Variants in PARVA observed in about 807,000 individuals in gnomAD.
The protein encoded by PARVA is alpha-parvin.
PARVA carries 25 observed loss-of-function variants against 52.6 expected under a neutral mutation model. That is an observed-to-expected ratio of 0.48 (90% CI 0.35 to 0.66). The LOEUF (loss-of-function observed/expected upper bound fraction) is 0.66, where lower values mean the gene tolerates loss of function less well. Ranked by LOEUF, PARVA falls within the 30% of genes least tolerant of loss-of-function variation. The pLI, the probability that PARVA is intolerant of heterozygous loss-of-function variation, is 0.01. For synonymous variants in PARVA, 185 were observed against 179.1 expected (o/e 1.03, Z -0.26); for missense variants, 373 against 450.9 (o/e 0.83, Z 1.56).
Position 12,394,061 on chromosome 11 carries a change from A to G in PARVA, c.136+16278A>G, listed in dbSNP as rs973577583. Among the ~76,000 whole-genome samples, 8 of 152,314 alleles carry G rather than the reference A, an allele frequency of 5.3e-5. No individual in the cohort carries two copies. In the South Asian group the frequency reaches 1.4e-3, roughly 28 times the overall value. On this transcript the variant is annotated intron_variant, in intron 1 of 12. Coordinates refer to ENST00000334956, the MANE Select transcript of PARVA (RefSeq NM_018222.5). ...CCCTATGCCAGGCACTGTTCTAAGCATTTCACACTTACTATTTTATTGAAT... is the reference window on the plus strand; with the variant it reads ...CCCTATGCCAGGCACTGTTCTAAGCGTTTCACACTTACTATTTTATTGAAT...
At chr11:12,381,422 C>G (rs974499935) in intron 1 of PARVA, among the ~76,000 whole-genome samples, 1 of 152,146 alleles carries the variant, frequency 6.6e-6, no homozygotes, top group African/African-American at 2.4e-5. Flanking sequence ...TAGCATTCTC[C>G]GAGGCCCAAG....
intron 1 of PARVA, among the ~76,000 whole-genome samples, chr11:12,408,852 G>A (rs936443323): frequency 7.2e-5 from 11 of 152,212 alleles, no homozygotes; most frequent in African/African-American, 2.7e-4. Context: ...GGCTAAGGAA[G>A]GCCTCCCTGA....
At chr11:12,394,348 A>G (rs983064506) in intron 1 of PARVA, among the ~76,000 whole-genome samples, 6 of 152,202 alleles carry the variant, frequency 3.9e-5, no homozygotes, top group Admixed American at 2.0e-4. Flanking sequence ...AAACAAATCA[A>G]CTTCTACAAG....
chr11:12,470,923 G>A (rs1406431729), intron 1 of PARVA, among the ~76,000 whole-genome samples: 1 of 152,214 alleles, frequency 6.6e-6, no homozygotes, highest in Non-Finnish European at 1.5e-5. Flanking sequence ...GGTTCTGATA[G>A]GCCAGGCAAA....
upstream of PARVA, chr11:12,376,605 G>A (rs1939392267): frequency 4.1e-6 from 1 of 241,662 alleles, no homozygotes; most frequent in Non-Finnish European, 6.7e-6. Flanking sequence ...TGGATTAGGT[G>A]TTCACCCAGG....
chr11:12,474,832 G>A (rs1296476981), intron 3 of PARVA, among the ~76,000 whole-genome samples: 1 of 151,978 alleles, frequency 6.6e-6, no homozygotes, highest in Admixed American at 6.6e-5. Context: ...CAAGTGTGGT[G>A]GCGCATGACT....
In PARVA at chr11:12,378,244, G is replaced by A. The variant is rs117376225; in HGVS notation, c.136+461G>A. Among the ~76,000 whole-genome samples, 346 of 152,326 alleles carry A rather than the reference G, an allele frequency of 2.3e-3. 1 individual carries two copies. The highest frequency in any genetic ancestry group is 3.9e-3 in the Non-Finnish European group (267 of 68,020). On this transcript the variant is annotated intron_variant, in intron 1 of 12. Transcript: ENST00000334956. ...TCGCTCTTACTCGTTGCCTTCATTG[G>A]TCCTTAAAATCAGGTCGTTTCCTGG...
intron 5 of PARVA, among the ~76,000 whole-genome samples, chr11:12,498,741 A>G (rs1405590938): frequency 6.6e-6 from 1 of 151,270 alleles, no homozygotes; most frequent in Non-Finnish European, 1.5e-5. Context: ...CGCCCACCTA[A>G]CTTTCGTATT....
At chr11:12,377,261 T>G, upstream of PARVA, 1 of 438,716 alleles carries the variant, frequency 2.3e-6, no homozygotes, top group Non-Finnish European at 3.8e-6. Context: ...AGGGTTGGGT[T>G]GGTTCTCAGA....
Position 12,473,841 on chromosome 11 carries a change from G to GA in PARVA, c.226+7_226+8insA. ...CCCGAGGACACGATGCTGGGTAACT[G>GA]TGCTCTTGTCTCTGAATTCGCTTAA... On this transcript the variant is annotated splice_region_variant and intron_variant, in intron 2 of 12. Transcript: ENST00000334956. 6.4e-7 allele frequency: 1 copy of GA among 1,567,110 alleles called. No homozygotes were observed. Among genetic ancestry groups the GA allele is most frequent in the Non-Finnish European group, 8.7e-7 (1 of 1,154,980 alleles).
chr11:12,532,555 T>C lies in PARVA; in HGVS notation c.*4630T>C, dbSNP rs1941785478. ...CCAAGGGTGAGTGAGAGATTATAGC[T>C]AGCAGGGGAGACAGATGAAAAATAA... On this transcript the variant is annotated 3_prime_UTR_variant, in exon 13 of 13. Transcript: ENST00000334956. Among the ~76,000 whole-genome samples the C allele has an allele frequency of 6.6e-6, 1 of 152,188 alleles. No individual in the cohort carries two copies. The highest frequency in any genetic ancestry group is 2.1e-4 in the South Asian group (1 of 4,826).
At chr11:12,426,809 G>A (rs1368088468) in intron 1 of PARVA, among the ~76,000 whole-genome samples, 2 of 152,208 alleles carry the variant, frequency 1.3e-5, no homozygotes, top group African/African-American at 4.8e-5. Context: ...AATTGGTCAA[G>A]TATAGGAGCA....
Position 12,497,850 on chromosome 11 carries a change from G to A in PARVA, c.541+1252G>A, listed in dbSNP as rs145244829. 1.4e-3 allele frequency among the ~76,000 whole-genome samples: 209 copies of A among 152,208 alleles called. 1 individual carries two copies. The highest frequency in any genetic ancestry group is 4.8e-3 in the African/African-American group (201 of 41,532). On this transcript the variant is annotated intron_variant, in intron 5 of 12. Transcript: ENST00000334956. Reference sequence around the variant, plus strand: ...ATCTGCATTTTAAAAATCCACAATAGTCATAAACATTAGAGAAGTCCTCTA... The same window carrying A: ...ATCTGCATTTTAAAAATCCACAATAATCATAAACATTAGAGAAGTCCTCTA...
intron 1 of PARVA, among the ~76,000 whole-genome samples, chr11:12,421,447 C>A (rs1002781676): frequency 6.6e-6 from 1 of 152,128 alleles, no homozygotes; most frequent in Non-Finnish European, 1.5e-5. Context: ...AGAAAAATCC[C>A]AGCAACAGAT....
intron 3 of PARVA, among the ~76,000 whole-genome samples, chr11:12,476,158 G>C (rs183923087): frequency 6.6e-6 from 1 of 152,100 alleles, no homozygotes; most frequent in Non-Finnish European, 1.5e-5. Context: ...ACCTAGACCT[G>C]CACTCGGGCC....
intron 10 of PARVA, among the ~76,000 whole-genome samples, chr11:12,516,206 C>T (rs774527813): frequency 1.3e-5 from 2 of 152,198 alleles, no homozygotes; most frequent in Admixed American, 6.5e-5. Flanking sequence ...AGCCGCAGGC[C>T]GGCTAGCTGG....
rs977583084 is a variant in PARVA, at chr11:12,528,899, C to T, written c.*974C>T. ...AGAATTAATGGAGTGGCACATTTTGCAGCCTTTTTGCTTGATTGCATGTAA... is the reference window on the plus strand; with the variant it reads ...AGAATTAATGGAGTGGCACATTTTGTAGCCTTTTTGCTTGATTGCATGTAA... On this transcript the variant is annotated 3_prime_UTR_variant, in exon 13 of 13. Transcript: ENST00000334956. 1 of 152,626 alleles carries T rather than the reference C, an allele frequency of 6.6e-6. No homozygotes were observed. Among genetic ancestry groups the T allele is most frequent in the East Asian group, 1.9e-4 (1 of 5,196 alleles). 9.5% of individuals were successfully genotyped at this position (152,626 alleles called of 1,614,324 possible). A position where few individuals can be genotyped will look rare whatever the true frequency, so the allele number is the denominator to read the frequency against.
At position 12,377,791 on chromosome 11, in the gene PARVA, C is replaced by A. The variant is rs773407326; in HGVS notation, c.136+8C>A. On this transcript the variant is annotated splice_region_variant and intron_variant, in intron 1 of 12. Transcript: ENST00000334956. ...GGAAGAAAGCCAAGGAGGGTGAGTGCGGCCAGGCCGGCCGGGCGGGCGGTA... is the reference window on the plus strand; with the variant it reads ...GGAAGAAAGCCAAGGAGGGTGAGTGAGGCCAGGCCGGCCGGGCGGGCGGTA... 1.1e-5 allele frequency: 16 copies of A among 1,480,604 alleles called. No individual in the cohort carries two copies. The highest frequency in any genetic ancestry group is 6.1e-5 in the East Asian group (2 of 32,710). The allele number at this position is 1,480,604 out of a possible 1,614,324, so 91.7% of individuals were successfully genotyped here. A position where few individuals can be genotyped will look rare whatever the true frequency, so the allele number is the denominator to read the frequency against.
At chr11:12,469,214 C>T (rs565741558) in intron 1 of PARVA, among the ~76,000 whole-genome samples, 8 of 152,250 alleles carry the variant, frequency 5.3e-5, no homozygotes, top group Admixed American at 3.9e-4. Flanking sequence ...CAAATCCACA[C>T]GCCAAAGCCC....
Sources: allele counts gnomAD v4.1 joint callset (sites outside exome capture counted in the v4.1 genomes callset), GRCh38; gene constraint gnomAD v4.1.1; transcripts MANE v1.5; gene names NCBI Gene and HGNC (gene_info 2026-07-23, HGNC 2026-07-21).